DZANK1: variants seen among roughly 807,000 people sequenced by gnomAD.
DZANK1 encodes the protein double zinc ribbon and ankyrin repeat-containing protein 1.
Under a neutral mutation model 94.5 loss-of-function variants are expected in DZANK1, and 91 were observed. The ratio of observed to expected loss-of-function variants is 0.96; its 90% confidence interval spans 0.81 to 1.15. The LOEUF (loss-of-function observed/expected upper bound fraction) is 1.15. DZANK1 is among the 50% of genes most tolerant of loss of function. The pLI is 0.00. For synonymous variants in DZANK1, 312 were observed against 325.3 expected (o/e 0.96, Z 0.44); for missense variants, 903 against 916.4 (o/e 0.99, Z 0.19).
At chr20:18,389,813 A>C in exon 19 of DZANK1, 1 of 1,613,974 alleles carries the variant, frequency 6.2e-7, no homozygotes, top group Non-Finnish European at 8.5e-7. Flanking sequence ...TCATCACAGC[A>C]GTTGGGGTCT....
exon 15 of DZANK1, chr20:18,396,528 G>T (rs902525079): frequency 1.2e-6 from 2 of 1,613,238 alleles, no homozygotes; most frequent in African/African-American, 2.7e-5. Context: ...CCATCTTCGT[G>T]GACAGTAGCA....
exon 5 of DZANK1, chr20:18,453,785 A>G: frequency 1.2e-6 from 2 of 1,612,678 alleles, no homozygotes; most frequent in Non-Finnish European, 1.7e-6. Context: ...GAGTTCTTAT[A>G]TTTTTTCTTT....
intron 15 of DZANK1, 149 bp downstream of exon 15, chr20:18,396,323 C>G (rs2148253213): frequency 1.7e-6 from 1 of 605,716 alleles, no homozygotes; most frequent in Non-Finnish European, 2.9e-6. Flanking sequence ...ACTTGTTTAT[C>G]TAATTCTATG....
chr20:18,409,807 C>T (rs1456019999), intron 13 of DZANK1, among the ~76,000 whole-genome samples: 3 of 152,052 alleles, frequency 2.0e-5, no homozygotes, highest in East Asian at 1.9e-4. Flanking sequence ...TGGTGGCTCA[C>T]GCCTGTAATC....
intron 13 of DZANK1, 47 bp from the exon 14 acceptor site, chr20:18,398,673 T>C: frequency 3.2e-6 from 5 of 1,550,276 alleles, no homozygotes; most frequent in Non-Finnish European, 4.5e-6. Flanking sequence ...CTCCTGAGAC[T>C]AAGAAAGAAA....
chr20:18,448,650 C>T (rs1183589271), intron 7 of DZANK1, among the ~76,000 whole-genome samples: 12 of 152,028 alleles, frequency 7.9e-5, no homozygotes, highest in East Asian at 1.9e-4. Flanking sequence ...GGGCAGATCA[C>T]GAGGTCAAGA....
At chr20:18,436,128 A>C (rs2058511151) in intron 8 of DZANK1, among the ~76,000 whole-genome samples, 1 of 152,210 alleles carries the variant, frequency 6.6e-6, no homozygotes, top group Non-Finnish European at 1.5e-5. Context: ...CAAAGCAGCT[A>C]TTTTTAAAAA....
Position 18,384,290 on chromosome 20 carries a change from C to T in DZANK1, c.*109G>A, listed in dbSNP as rs529525468. 5.0e-6 allele frequency: 6 copies of T among 1,209,734 alleles called. No homozygotes were observed. The Admixed American group carries it at 8.6e-5, about 17-fold the overall frequency. 74.9% of individuals were successfully genotyped at this position (1,209,734 alleles called of 1,614,324 possible). A position where few individuals can be genotyped will look rare whatever the true frequency, so the allele number is the denominator to read the frequency against. On this transcript the variant is annotated 3_prime_UTR_variant, in exon 21 of 21. Coordinates refer to ENST00000262547, the Ensembl canonical transcript of DZANK1. ...GTCAGGCTGGTCTTGAACTCCCAAC[C>T]TCAGGTGATACGCCAGCCTCAGCCT...
At chr20:18,396,027 AGCT>A (rs2148249524) in intron 15 of DZANK1, among the ~76,000 whole-genome samples, 1 of 152,330 alleles carries the variant, frequency 6.6e-6, no homozygotes, top group African/African-American at 2.4e-5. Context: ...GTGAAACTAA[AGCT>A]GCTAATGTCA....
At chr20:18,394,157 A>C in intron 16 of DZANK1, 97 bp downstream of exon 16, 1 of 1,023,172 alleles carries the variant, frequency 9.8e-7, no homozygotes, top group Non-Finnish European at 1.5e-6. Flanking sequence ...AAGATCTGTG[A>C]CCGGGCTGTC....
At chr20:18,462,323 A>C (rs1169605602) in intron 2 of DZANK1, among the ~76,000 whole-genome samples, 1 of 152,112 alleles carries the variant, frequency 6.6e-6, no homozygotes, top group Non-Finnish European at 1.5e-5. Flanking sequence ...GTGGTGATTA[A>C]GTGCTTGGAG....
chr20:18,405,491 C>T (rs1297497845), intron 13 of DZANK1, among the ~76,000 whole-genome samples: 1 of 152,120 alleles, frequency 6.6e-6, no homozygotes, highest in East Asian at 1.9e-4. Context: ...CCAACATCTA[C>T]ATGAGAATCC....
chr20:18,409,583 C>CACACA (rs1555858807), intron 13 of DZANK1, among the ~76,000 whole-genome samples: 4,509 of 140,704 alleles, frequency 0.032, 75 homozygotes, highest in South Asian at 0.045. Flanking sequence ...CACACACACA[C>CACACA]CACCACCACC....
chr20:18,403,579 A>G (rs1209224213), intron 13 of DZANK1, among the ~76,000 whole-genome samples: 2 of 152,192 alleles, frequency 1.3e-5, no homozygotes, highest in Non-Finnish European at 2.9e-5. Context: ...TAGAAGATTC[A>G]TTAGAGATGT....
intron 10 of DZANK1, among the ~76,000 whole-genome samples, chr20:18,424,867 G>GA (rs889289723): frequency 1.6e-4 from 24 of 147,268 alleles, no homozygotes; most frequent in African/African-American, 4.0e-4. Flanking sequence ...CAATCAAAAT[G>GA]AAAAAAAAAA....
chr20:18,415,385 T>G lies in DZANK1; in HGVS notation c.1019A>C (p.Tyr340Ser), dbSNP rs117740377. ...CCAGAGATTCCAGCGACCACATCTG[T>G]AGCAGGAAATGGTCCCCCCTTTCTG... The change falls in exon 11 of 21, where the codon TAC (tyrosine) becomes TCC (serine). Residue 340 changes from tyrosine to serine, a missense_variant. Transcript: ENST00000262547. 1.3e-3 allele frequency: 2,084 copies of G among 1,595,502 alleles called. 34 individuals are homozygous for G. In the Admixed American group the frequency reaches 0.029, roughly 22 times the overall value.
chr20:18,420,083 T>C (rs2057705382), intron 10 of DZANK1: 1 of 152,940 alleles, frequency 6.5e-6, no homozygotes, highest in African/African-American at 2.4e-5. Context: ...TTTCTGATGC[T>C]TATTGACAAG....
chr20:18,441,985 T>A lies in DZANK1; in HGVS notation c.747+1362A>T, dbSNP rs1034198144. Among the ~76,000 whole-genome samples, 7 of 152,162 alleles carry A rather than the reference T, an allele frequency of 4.6e-5. No individual in the cohort carries two copies. Among genetic ancestry groups the A allele is most frequent in the African/African-American group, 1.7e-4 (7 of 41,430 alleles). On this transcript the variant is annotated intron_variant, in intron 8 of 20. Transcript: ENST00000262547. This position sits in a 1 kb window ranked among gnomAD's most constrained non-coding sequence, Gnocchi z 4.1. ...AGACAGGAGAGCACACACCTCTGCA[T>A]CTCTTTACTGAGACTCTCTGAGTCG...
intron 19 of DZANK1, 131 bp from the exon 20 acceptor site, chr20:18,385,221 C>T: frequency 1.3e-6 from 1 of 744,706 alleles, no homozygotes; most frequent in South Asian, 1.7e-5. Context: ...CCTCTTGAGT[C>T]TCCTCTCTCT....
Sources: gnomAD v4.1 joint callset for allele counts (sites outside exome capture counted in the v4.1 genomes callset) on GRCh38, gnomAD v4.1.1 for gene constraint, Gnocchi (gnomAD v3.1) non-coding constraint, MANE v1.5 for transcripts, NCBI Gene and HGNC (gene_info 2026-07-23, HGNC 2026-07-21) for gene names.